The following SLC9C2 variants were observed in gnomAD, a reference collection of about 807,000 sequenced individuals.
SLC9C2 encodes solute carrier family 9 member C2 (putative), also known as sodium/hydrogen exchanger 11.
Under a neutral mutation model 140.2 loss-of-function variants are expected in SLC9C2, and 75 were observed. The ratio of observed to expected loss-of-function variants is 0.53; its 90% CI spans 0.44 to 0.65. The LOEUF is 0.65. Among genes scored for constraint, SLC9C2 ranks in the 30% least tolerant of loss-of-function variants. The pLI, the probability that SLC9C2 is intolerant of heterozygous loss-of-function variation, is 0.00. For missense variants in SLC9C2, 1,074 were observed against 1,331.8 expected (o/e 0.81, Z 3.01); for synonymous variants, 375 against 420.9 (o/e 0.89, Z 1.34).
chr1:173,504,145 T>G (rs1659470840), intron 26 of SLC9C2, among the ~76,000 whole-genome samples: 1 of 152,126 alleles, frequency 6.6e-6, no homozygotes, highest in Non-Finnish European at 1.5e-5. Context: ...GAAATGGTCA[T>G]CTCAGTGCTA....
intron 11 of SLC9C2, among the ~76,000 whole-genome samples, chr1:173,549,823 A>AG (rs1469602221): frequency 2.0e-5 from 3 of 152,190 alleles, no homozygotes; most frequent in Non-Finnish European, 2.9e-5. Context: ...AAATTTATAG[A>AG]GGGGAAAAAA....
intron 13 of SLC9C2, among the ~76,000 whole-genome samples, chr1:173,542,356 G>A (rs893642739): frequency 3.3e-5 from 5 of 152,128 alleles, no homozygotes; most frequent in African/African-American, 1.2e-4. Flanking sequence ...CTGAAATTGA[G>A]GCAATAATTA....
intron 15 of SLC9C2, 98 bp downstream of exon 15, chr1:173,535,732 G>A (rs1217681549): frequency 2.2e-6 from 3 of 1,339,290 alleles, no homozygotes; most frequent in Non-Finnish European, 2.9e-6. Context: ...CCATAATATA[G>A]TTTTTCTCAA....
intron 12 of SLC9C2, 40 bp downstream of exon 12, chr1:173,548,349 G>C (rs1571531140): frequency 6.3e-7 from 1 of 1,579,160 alleles, no homozygotes; most frequent in East Asian, 2.2e-5. Flanking sequence ...CAGACCAAGG[G>C]AAGGAAAGGA....
intron 9 of SLC9C2, among the ~76,000 whole-genome samples, chr1:173,559,191 A>T (rs945210680): frequency 6.6e-6 from 1 of 152,232 alleles, no homozygotes; most frequent in South Asian, 2.1e-4. Context: ...TAGTTTAAAG[A>T]TTCTTTGGGT....
rs568716711 is a variant in SLC9C2 at position 173,535,105 on chromosome 1, G to T, written c.1776-423C>A. Among the ~76,000 whole-genome samples, 521 of 152,018 alleles carry T rather than the reference G, an allele frequency of 3.4e-3. 27 individuals carry two copies. The East Asian group carries it at 0.087, about 25-fold the overall frequency. ...CATCTAATGTACAGCATGACAAAAAGAAATTCTTTGGATATATGTCAAGGT... is the reference window on the plus strand; with the variant it reads ...CATCTAATGTACAGCATGACAAAAATAAATTCTTTGGATATATGTCAAGGT... On this transcript the variant is annotated intron_variant, in intron 15 of 27. Coordinates refer to ENST00000367714, the MANE Select transcript of SLC9C2 (RefSeq NM_178527.4).
At chr1:173,594,732 A>G (rs1181398592) in intron 4 of SLC9C2, among the ~76,000 whole-genome samples, 1 of 152,236 alleles carries the variant, frequency 6.6e-6, no homozygotes, top group African/African-American at 2.4e-5. Context: ...GGAGGAAAGT[A>G]GAGATATTTA....
At chr1:173,556,858 G>A (rs1339691986) in intron 10 of SLC9C2, among the ~76,000 whole-genome samples, 1 of 151,820 alleles carries the variant, frequency 6.6e-6, no homozygotes, top group African/African-American at 2.4e-5. Flanking sequence ...AACCTGGGAG[G>A]CGGAGGTTGC....
Position 173,526,801 on chromosome 1 carries a change from T to C in SLC9C2, c.2314-87A>G, listed in dbSNP as rs921865901. On this transcript the variant is annotated intron_variant, in intron 18 of 27. Transcript: ENST00000367714. ...AGAAAAACATGCATTTCTTCTTATA[T>C]TCCTGAGAAGCATACTTATTATACC... 3.3e-6 allele frequency: 3 copies of C among 910,358 alleles called. No homozygotes were observed. The African/African-American group carries it at 5.0e-5, about 15-fold the overall frequency. 56.4% of individuals were successfully genotyped at this position (910,358 alleles called of 1,614,324 possible).
intron 17 of SLC9C2, among the ~76,000 whole-genome samples, chr1:173,532,677 T>C (rs1261091915): frequency 6.6e-6 from 1 of 152,198 alleles, no homozygotes; most frequent in African/African-American, 2.4e-5. Context: ...CCAAGATTTT[T>C]ATTCTTTCAC....
intron 26 of SLC9C2, 49 bp from the exon 27 acceptor site, chr1:173,503,375 A>G (rs1265447302): frequency 2.0e-5 from 30 of 1,519,430 alleles, no homozygotes; most frequent in Non-Finnish European, 2.6e-5. Context: ...GGAATTTAAG[A>G]GTAAAGGCAA....
intron 9 of SLC9C2, chr1:173,571,687 C>T (rs1664851659): frequency 1.3e-5 from 2 of 152,078 alleles, no homozygotes; most frequent in Non-Finnish European, 1.5e-5. Flanking sequence ...CAGAAATTTT[C>T]ATGTTTTCAG....
intron 8 of SLC9C2, among the ~76,000 whole-genome samples, chr1:173,574,691 T>C (rs1472719665): frequency 2.0e-5 from 3 of 151,064 alleles, no homozygotes; most frequent in African/African-American, 7.3e-5. Context: ...TTTGTATTTT[T>C]AGTAGAGACA....
At chr1:173,587,076 A>G (rs1475268179) in intron 5 of SLC9C2, among the ~76,000 whole-genome samples, 2 of 152,158 alleles carry the variant, frequency 1.3e-5, no homozygotes, top group African/African-American at 4.8e-5. Context: ...GAGTGAAATC[A>G]TCTTCCACCT....
At chr1:173,561,669 C>A (rs902884641) in intron 9 of SLC9C2, among the ~76,000 whole-genome samples, 1 of 152,124 alleles carries the variant, frequency 6.6e-6, no homozygotes, top group East Asian at 1.9e-4. Context: ...CTGACTAGAG[C>A]CCCTGTCCAG....
intron 4 of SLC9C2, among the ~76,000 whole-genome samples, chr1:173,594,512 T>C (rs1201619430): frequency 6.6e-6 from 1 of 152,090 alleles, no homozygotes; most frequent in African/African-American, 2.4e-5. Flanking sequence ...TCCAGAAAGA[T>C]GGAGTTGGAT....
intron 5 of SLC9C2, among the ~76,000 whole-genome samples, chr1:173,584,002 A>G (rs1665706536): frequency 6.6e-6 from 1 of 152,240 alleles, no homozygotes; most frequent in Non-Finnish European, 1.5e-5. Context: ...ACTCCTAGGT[A>G]TATACCCAAG....
chr1:173,579,496 G>C (rs1027744471), intron 7 of SLC9C2, among the ~76,000 whole-genome samples: 8 of 152,096 alleles, frequency 5.3e-5, no homozygotes, highest in African/African-American at 1.9e-4. Flanking sequence ...TGAGGGTAAA[G>C]CTTAAACTAG....
Sources: allele counts gnomAD v4.1 joint callset (sites outside exome capture counted in the v4.1 genomes callset), GRCh38; gene constraint gnomAD v4.1.1; transcripts MANE v1.5; gene names NCBI Gene and HGNC (gene_info 2026-07-23, HGNC 2026-07-21).